The following UGT2A1 variants were observed in gnomAD, a reference collection of about 807,000 sequenced individuals.
UGT2A1 encodes UDP glucuronosyltransferase family 2 member A1 complex locus.
In UGT2A1, 61 loss-of-function variants were observed where a neutral mutation model predicts 45.4. The observed-to-expected ratio is 1.34, with a 90% CI of 1.09 to 1.66. UGT2A1 has a LOEUF of 1.66. Ranked by LOEUF, UGT2A1 falls within the 40% of genes most tolerant of loss-of-function variation. The pLI is 0.00. For synonymous variants in UGT2A1, 229 were observed against 196.2 expected, an observed-to-expected ratio of 1.17 and a Z score of -1.40; for missense variants, 649 against 574.3, an observed-to-expected ratio of 1.13 and a Z score of -1.33.
chr4:69,596,152 A>G lies in UGT2A1; in HGVS notation c.997-903T>C, dbSNP rs895071433. On this transcript the variant is annotated intron_variant, in intron 4 of 6. Transcript: ENST00000286604. ...AACTGTTACTAGTGATACTCAGTGT[A>G]TAATGAGTTTTGATTTTCATATGGA... 2.2e-6 allele frequency: 3 copies of G among 1,361,534 alleles called. No individual in the cohort carries two copies. The African/African-American group carries it at 4.4e-5, about 20-fold the overall frequency. 84.3% of individuals were successfully genotyped at this position (1,361,534 alleles called of 1,614,324 possible).
intron 2 of UGT2A1, among the ~76,000 whole-genome samples, chr4:69,639,858 C>T (rs997315562): frequency 3.3e-5 from 5 of 151,968 alleles, no homozygotes; most frequent in South Asian, 2.1e-4. Context: ...AAAGGAAGCA[C>T]GGGGTTATAA....
In UGT2A1 at chr4:69,647,581, T is replaced by A. The variant is rs377505497; in HGVS notation, c.64A>T (p.Asn22Tyr). Residue 22 changes from asparagine (N) to tyrosine (Y), a missense_variant, in exon 2 of 7, where the codon AAT (asparagine) becomes TAT (tyrosine). By Grantham distance (143) the Asn-to-Tyr change is moderately radical. Coordinates refer to ENST00000286604, the MANE Select transcript of UGT2A1 (RefSeq NM_001252275.3). ...CCTTCCATTGGCCAAATCAAAACATTCCCACCAAGAGTGGTTCCTATGAGA... is the reference window on the plus strand; with the variant it reads ...CCTTCCATTGGCCAAATCAAAACATACCCACCAAGAGTGGTTCCTATGAGA... Reference protein sequence around the residue: ...ISLIGTTLGGNVLIWPMEGSH... With the variant: ...ISLIGTTLGGYVLIWPMEGSH... 1.2e-5 allele frequency: 20 copies of A among 1,609,568 alleles called. No homozygotes were observed. Among genetic ancestry groups the A allele is most frequent in the Non-Finnish European group, 1.7e-5 (20 of 1,177,948 alleles).
At chr4:69,623,936 A>C (rs1052552895) in intron 3 of UGT2A1, among the ~76,000 whole-genome samples, 5 of 151,642 alleles carry the variant, frequency 3.3e-5, no homozygotes, top group Non-Finnish European at 5.9e-5. Flanking sequence ...GCCCAGGACA[A>C]GCACCTTAAA....
intron 1 of UGT2A1, among the ~76,000 whole-genome samples, chr4:69,650,695 T>C (rs1483793707): frequency 6.6e-6 from 1 of 152,086 alleles, no homozygotes; most frequent in Non-Finnish European, 1.5e-5. Context: ...ACAAGTATAT[T>C]ACCTGGAGTA....
rs546684239 is a variant in UGT2A1, at chr4:69,594,119, C to T, written c.1304+358G>A. 8.5e-4 allele frequency among the ~76,000 whole-genome samples: 129 copies of T among 151,778 alleles called. 1 individual carries two copies. In the South Asian group the frequency reaches 0.025, roughly 30 times the overall value. On this transcript the variant is annotated intron_variant, in intron 6 of 6. Coordinates refer to ENST00000286604, the MANE Select transcript of UGT2A1 (RefSeq NM_001252275.3). Reference sequence around the variant, plus strand: ...CCTCCTGAGTAGCTGGGACTACAGGCGCCCACTATCATACCCGGCTAAATT... The same window carrying T: ...CCTCCTGAGTAGCTGGGACTACAGGTGCCCACTATCATACCCGGCTAAATT...
intron 4 of UGT2A1, among the ~76,000 whole-genome samples, chr4:69,596,973 C>T (rs938974171): frequency 2.0e-5 from 3 of 152,148 alleles, no homozygotes; most frequent in African/African-American, 4.8e-5. Context: ...AAATTGTTAC[C>T]CCCAAGGCTT....
intron 3 of UGT2A1, among the ~76,000 whole-genome samples, chr4:69,611,788 T>C (rs112607992): frequency 1.3e-5 from 2 of 152,262 alleles, no homozygotes; most frequent in African/African-American, 4.8e-5. Context: ...TAGTAAAACT[T>C]GAATGGTTCA....
intron 3 of UGT2A1, among the ~76,000 whole-genome samples, chr4:69,600,856 G>C (rs1719243755): frequency 6.6e-6 from 1 of 151,518 alleles, no homozygotes; most frequent in Non-Finnish European, 1.5e-5. Flanking sequence ...ATCACAAGAA[G>C]AGTACCAAGG....
chr4:69,646,049 T>C (rs1722244993), intron 2 of UGT2A1, among the ~76,000 whole-genome samples: 1 of 151,848 alleles, frequency 6.6e-6, no homozygotes, highest in Admixed American at 6.6e-5. Context: ...CTCCTCTACA[T>C]TTTGTATTTT....
chr4:69,607,243 A>C (rs548448332), intron 3 of UGT2A1, among the ~76,000 whole-genome samples: 46 of 150,496 alleles, frequency 3.1e-4, no homozygotes, highest in Non-Finnish European at 6.1e-4. Flanking sequence ...GGAACAGAAC[A>C]GAGCCCTCAG....
intron 4 of UGT2A1, chr4:69,596,244 A>G: frequency 6.4e-7 from 1 of 1,568,474 alleles, no homozygotes; most frequent in South Asian, 1.2e-5. Flanking sequence ...TCCAGGCTGT[A>G]CTGACCTTCT....
At chr4:69,624,514 G>T (rs28782228) in intron 3 of UGT2A1, among the ~76,000 whole-genome samples, 53,086 of 150,848 alleles carry the variant, frequency 0.35, 9,694 homozygotes, top group African/African-American at 0.43. Flanking sequence ...CTTTTTTTAA[G>T]TTACCTCATC....
At chr4:69,653,089 C>A (rs1287906552) in intron 1 of UGT2A1, 99 bp downstream of exon 1, 1 of 151,850 alleles carries the variant, frequency 6.6e-6, no homozygotes, top group East Asian at 1.9e-4. Flanking sequence ...AAAAGGTAAA[C>A]CAGCGTTTTA....
chr4:69,613,540 C>A (rs1423102181), intron 3 of UGT2A1, among the ~76,000 whole-genome samples: 1 of 151,864 alleles, frequency 6.6e-6, no homozygotes, highest in Non-Finnish European at 1.5e-5. Context: ...CAACTACAGG[C>A]CAATATCTGT....
chr4:69,613,105 C>T (rs1363829506), intron 3 of UGT2A1, among the ~76,000 whole-genome samples: 1 of 151,814 alleles, frequency 6.6e-6, no homozygotes, highest in East Asian at 1.9e-4. Context: ...AGAAGACATA[C>T]AATCAACCTG....
At chr4:69,612,233 T>C (rs949843061) in intron 3 of UGT2A1, among the ~76,000 whole-genome samples, 4 of 152,002 alleles carry the variant, frequency 2.6e-5, no homozygotes, top group Admixed American at 1.3e-4. Flanking sequence ...TAGAATTATT[T>C]GAAATAGAAT....
intron 2 of UGT2A1, among the ~76,000 whole-genome samples, chr4:69,637,347 G>T (rs1721768510): frequency 6.6e-6 from 1 of 151,786 alleles, no homozygotes; most frequent in South Asian, 2.1e-4. Flanking sequence ...AAAACTTTTT[G>T]ATAAAAAAAA....
intron 4 of UGT2A1, chr4:69,596,339 C>A: frequency 6.2e-7 from 1 of 1,606,240 alleles, no homozygotes; most frequent in East Asian, 2.2e-5. Flanking sequence ...GAAAACACCA[C>A]AACACCATTT....
At chr4:69,616,223 G>A (rs1720370371) in intron 3 of UGT2A1, among the ~76,000 whole-genome samples, 2 of 151,856 alleles carry the variant, frequency 1.3e-5, no homozygotes, top group Non-Finnish European at 2.9e-5. Flanking sequence ...GTTACCAGAG[G>A]CTGGGAAAGG....
Sources: allele counts gnomAD v4.1 joint callset (sites outside exome capture counted in the v4.1 genomes callset), GRCh38; gene constraint gnomAD v4.1.1; transcripts MANE v1.5; gene names NCBI Gene and HGNC (gene_info 2026-07-23, HGNC 2026-07-21).